The following WIPF3 variants were observed in gnomAD, a reference collection of about 807,000 sequenced individuals.
WIPF3 encodes the protein WAS/WASL-interacting protein family member 3.
Under a neutral mutation model 38.9 loss-of-function variants are expected in WIPF3, and 33 were observed. The ratio of observed to expected loss-of-function variants is 0.85; its 90% CI spans 0.64 to 1.14. The LOEUF is 1.14. Ranked by LOEUF, WIPF3 falls within the 50% of genes most tolerant of loss-of-function variation. The probability of loss-of-function intolerance (pLI) is 0.00; values close to 1 mark genes in which losing one functional copy is unlikely to be tolerated. For synonymous variants in WIPF3, 324 were observed against 269.3 expected (o/e 1.20, Z -1.99); for missense variants, 711 against 652.5 (o/e 1.09, Z -0.98).
At chr7:29,840,859 T>C (rs1784901787) in intron 2 of WIPF3, among the ~76,000 whole-genome samples, 1 of 152,112 alleles carries the variant, frequency 6.6e-6, no homozygotes. Context: ...TCTGGCTGAA[T>C]GCAGCTAACA....
intron 7 of WIPF3, among the ~76,000 whole-genome samples, chr7:29,897,602 A>G (rs1005153843): frequency 6.6e-6 from 1 of 152,166 alleles, no homozygotes; most frequent in Non-Finnish European, 1.5e-5. Context: ...AACAGTAAAA[A>G]CACGCACCGT....
intron 7 of WIPF3, among the ~76,000 whole-genome samples, chr7:29,897,060 A>G (rs1673199890): frequency 6.6e-6 from 1 of 152,176 alleles, no homozygotes; most frequent in Non-Finnish European, 1.5e-5. Context: ...TGCTCTAGGT[A>G]CCTCATGTAA....
At chr7:29,901,837 A>G (rs10248186) in intron 7 of WIPF3, among the ~76,000 whole-genome samples, 13 of 142,714 alleles carry the variant, frequency 9.1e-5, no homozygotes, top group Admixed American at 4.3e-4. Flanking sequence ...AAAAAAAAAA[A>G]AAAAAAAAAA....
At chr7:29,810,828 A>C (rs1658684611) in intron 1 of WIPF3, among the ~76,000 whole-genome samples, 1 of 152,178 alleles carries the variant, frequency 6.6e-6, no homozygotes, top group African/African-American at 2.4e-5. Flanking sequence ...TGGTTTTCTC[A>C]TCTAGAAAAT....
chr7:29,827,106 T>G (rs944436513), intron 1 of WIPF3, among the ~76,000 whole-genome samples: 1 of 152,262 alleles, frequency 6.6e-6, no homozygotes, highest in African/African-American at 2.4e-5. Context: ...CACTGTTATC[T>G]AGAGCACAAA....
chr7:29,855,336 A>G (rs1327231298), intron 2 of WIPF3, among the ~76,000 whole-genome samples: 1 of 152,246 alleles, frequency 6.6e-6, no homozygotes. Context: ...GAAAAAGTGC[A>G]GAATCTCTGA....
intron 7 of WIPF3, among the ~76,000 whole-genome samples, chr7:29,896,057 G>A (rs1221821022): frequency 6.6e-6 from 1 of 152,186 alleles, no homozygotes; most frequent in Non-Finnish European, 1.5e-5. Flanking sequence ...CCAGAGAGAA[G>A]AGGAAGAAGG....
chr7:29,861,929 T>C (rs1049960935), intron 2 of WIPF3, among the ~76,000 whole-genome samples: 7 of 152,198 alleles, frequency 4.6e-5, no homozygotes, highest in Non-Finnish European at 8.8e-5. Flanking sequence ...AGAACATACT[T>C]CATGGAAAAG....
At chr7:29,887,076 G>A (rs1348749793) in intron 5 of WIPF3, among the ~76,000 whole-genome samples, 3 of 152,210 alleles carry the variant, frequency 2.0e-5, no homozygotes, top group African/African-American at 7.2e-5. Flanking sequence ...CGAGGATGGC[G>A]GCTGATGACT....
intron 1 of WIPF3, among the ~76,000 whole-genome samples, chr7:29,832,479 G>A (rs2128064990): frequency 6.6e-6 from 1 of 152,314 alleles, no homozygotes; most frequent in East Asian, 1.9e-4. Context: ...TACCCCATGA[G>A]ATCTCTGCTC....
chr7:29,860,249 C>A (rs939958760), intron 2 of WIPF3, among the ~76,000 whole-genome samples: 3 of 152,160 alleles, frequency 2.0e-5, no homozygotes, highest in African/African-American at 7.2e-5. Context: ...CACCTATACA[C>A]CTACTATAGT....
chr7:29,872,648 T>C (rs1785516202), intron 2 of WIPF3, among the ~76,000 whole-genome samples: 1 of 151,148 alleles, frequency 6.6e-6, no homozygotes, highest in Admixed American at 6.6e-5. Flanking sequence ...TACAAAAAAT[T>C]AGCCGGGCGT....
At chr7:29,810,281 A>G (rs174917) in intron 1 of WIPF3, among the ~76,000 whole-genome samples, 129,158 of 152,138 alleles carry the variant, frequency 0.85, 55,238 homozygotes, top group Middle Eastern at 0.95. Flanking sequence ...TTATCAACCC[A>G]CTCATAACCC....
intron 2 of WIPF3, among the ~76,000 whole-genome samples, chr7:29,837,657 T>C (rs1242607833): frequency 1.3e-5 from 2 of 152,180 alleles, no homozygotes; most frequent in Non-Finnish European, 2.9e-5. Context: ...TAAAACATAT[T>C]TTCTACATTT....
At chr7:29,882,873 A>C (rs879514447) in intron 4 of WIPF3, among the ~76,000 whole-genome samples, 2 of 152,240 alleles carry the variant, frequency 1.3e-5, no homozygotes, top group Admixed American at 1.3e-4. Flanking sequence ...AATCTGGAAG[A>C]AATATTTTAA....
intron 8 of WIPF3, 109 bp downstream of exon 8, chr7:29,904,471 C>T: frequency 9.0e-7 from 1 of 1,110,740 alleles, no homozygotes; most frequent in Non-Finnish European, 1.3e-6. Context: ...TTTCCTCACA[C>T]TCCTTTTCCT....
At chr7:29,899,755 A>G (rs1321344651) in intron 7 of WIPF3, among the ~76,000 whole-genome samples, 1 of 151,066 alleles carries the variant, frequency 6.6e-6, no homozygotes, top group Non-Finnish European at 1.5e-5. Context: ...ACGTAAAAAC[A>G]CCTTGTTATG....
chr7:29,847,528 T>C (rs1340975743), intron 2 of WIPF3, among the ~76,000 whole-genome samples: 1 of 152,196 alleles, frequency 6.6e-6, no homozygotes, highest in Non-Finnish European at 1.5e-5. Context: ...ATTTTATGTT[T>C]AGGTTGAACA....
At chr7:29,882,714 G>C (rs1424979943) in intron 4 of WIPF3, among the ~76,000 whole-genome samples, 1 of 152,172 alleles carries the variant, frequency 6.6e-6, no homozygotes, top group Non-Finnish European at 1.5e-5. Flanking sequence ...TTTCTAATCT[G>C]AAATGAAAGC....
Sources: allele counts gnomAD v4.1 joint callset (sites outside exome capture counted in the v4.1 genomes callset), GRCh38; gene constraint gnomAD v4.1.1; transcripts MANE v1.5; gene names NCBI Gene and HGNC (gene_info 2026-07-23, HGNC 2026-07-21).